The following FHIP1A variants were observed in gnomAD, a reference collection of about 807,000 sequenced individuals.
The protein encoded by FHIP1A is FHF complex subunit HOOK-interacting protein 1A.
A neutral mutation model predicts 88.6 loss-of-function variants in FHIP1A; 61 were observed. That is an observed-to-expected ratio of 0.69 (90% CI 0.56 to 0.85). The LOEUF is 0.85. Ranked by LOEUF, FHIP1A falls within the 40% of genes least tolerant of loss-of-function variation. The pLI is 0.00. For missense variants in FHIP1A, 1,154 were observed against 1,273.5 expected, an observed-to-expected ratio of 0.91 and a Z score of 1.43; for synonymous variants, 478 against 496.0, an observed-to-expected ratio of 0.96 and a Z score of 0.48.
chr4:151,632,199 A>C (rs1285384206), intron 8 of FHIP1A, among the ~76,000 whole-genome samples: 3 of 151,994 alleles, frequency 2.0e-5, no homozygotes, highest in African/African-American at 7.2e-5. Flanking sequence ...AAAGGACACG[A>C]GATAAGGAAT....
chr4:151,522,740 G>A (rs1257003299), intron 3 of FHIP1A, among the ~76,000 whole-genome samples: 1 of 152,206 alleles, frequency 6.6e-6, no homozygotes, highest in African/African-American at 2.4e-5. Context: ...CGTGTTGCTT[G>A]TATAAAATCA....
intron 3 of FHIP1A, among the ~76,000 whole-genome samples, chr4:151,523,972 A>G (rs1731538980): frequency 6.6e-6 from 1 of 151,988 alleles, no homozygotes; most frequent in African/African-American, 2.4e-5. Context: ...CTTTCTGGCT[A>G]TTTTTTTACT....
rs962815141 is a variant in FHIP1A, at chr4:151,548,833, T to C, written c.-122-17305T>C. Among the ~76,000 whole-genome samples the C allele has an allele frequency of 2.0e-5, 3 of 152,158 alleles. No homozygotes were observed. The East Asian group carries it at 5.8e-4, about 29-fold the overall frequency. ...GCTACTTGGTGTTGGAAATGCAAAATACTTGTTCCCCGGTGCTGTAAAGAA... is the reference window on the plus strand; with the variant it reads ...GCTACTTGGTGTTGGAAATGCAAAACACTTGTTCCCCGGTGCTGTAAAGAA... On this transcript the variant is annotated intron_variant, in intron 3 of 13. Transcript: ENST00000435205.
chr4:151,492,838 C>G (rs1262802656), intron 3 of FHIP1A, among the ~76,000 whole-genome samples: 2 of 152,050 alleles, frequency 1.3e-5, no homozygotes, highest in East Asian at 3.9e-4. Context: ...AAAAGCGATG[C>G]TAAGAGGACA....
At chr4:151,634,091 A>C in intron 8 of FHIP1A, among the ~76,000 whole-genome samples, 1 of 151,934 alleles carries the variant, frequency 6.6e-6, no homozygotes, top group Admixed American at 6.6e-5. Flanking sequence ...TACAGGATAC[A>C]AAGTCAACGC....
chr4:151,519,335 T>C (rs907005684), intron 3 of FHIP1A, among the ~76,000 whole-genome samples: 2 of 152,218 alleles, frequency 1.3e-5, no homozygotes, highest in Non-Finnish European at 2.9e-5. Flanking sequence ...ATTGAAATCA[T>C]ACAATATGTA....
At position 151,575,390 on chromosome 4, in the gene FHIP1A, C is replaced by T. The variant is rs184714606; in HGVS notation, c.106-2060C>T. Among the ~76,000 whole-genome samples, 85 of 152,208 alleles carry T rather than the reference C, an allele frequency of 5.6e-4. 2 individuals carry two copies. In the East Asian group the frequency reaches 0.014, roughly 25 times the overall value. On this transcript the variant is annotated intron_variant, in intron 4 of 13. Transcript: ENST00000435205. ...ATTGAGATGTTGGTAAGGCCCAGAACAAAGGGATGGGAGAGAACCAGGTCC... is the reference window on the plus strand; with the variant it reads ...ATTGAGATGTTGGTAAGGCCCAGAATAAAGGGATGGGAGAGAACCAGGTCC...
At chr4:151,531,843 C>G (rs1731888084) in intron 3 of FHIP1A, among the ~76,000 whole-genome samples, 1 of 152,094 alleles carries the variant, frequency 6.6e-6, no homozygotes, top group Non-Finnish European at 1.5e-5. Context: ...TCTACAAGGA[C>G]AGAGCCTAAG....
At chr4:151,645,503 T>A (rs1365934187) in intron 9 of FHIP1A, among the ~76,000 whole-genome samples, 1 of 151,876 alleles carries the variant, frequency 6.6e-6, no homozygotes, top group Non-Finnish European at 1.5e-5. Context: ...TCGTACTTTT[T>A]ATCTTTTTTT....
chr4:151,410,189 G>T (rs1012602450), intron 1 of FHIP1A, among the ~76,000 whole-genome samples: 1 of 152,178 alleles, frequency 6.6e-6, no homozygotes, highest in African/African-American at 2.4e-5. Context: ...ACATGAGCAG[G>T]TCTAGTGAAT....
chr4:151,431,901 GA>G (rs1482783047), intron 1 of FHIP1A, among the ~76,000 whole-genome samples: 4 of 152,200 alleles, frequency 2.6e-5, no homozygotes, highest in Admixed American at 2.0e-4. Context: ...AAGCTGAAGT[GA>G]AGAGAGATTA....
intron 1 of FHIP1A, among the ~76,000 whole-genome samples, chr4:151,435,784 C>CAA (rs202118440): frequency 8.2e-6 from 1 of 121,394 alleles, no homozygotes. Context: ...AACTCTGTGT[C>CAA]AAAAAAAAAA....
intron 1 of FHIP1A, among the ~76,000 whole-genome samples, chr4:151,447,698 A>T (rs1440245596): frequency 6.6e-6 from 1 of 152,168 alleles, no homozygotes; most frequent in Non-Finnish European, 1.5e-5. Context: ...TTATTTAAAG[A>T]GGTAATTAAG....
At position 151,667,653 on chromosome 4, in the gene FHIP1A, A is replaced by T. The variant is rs1737712716; in HGVS notation, c.*4899A>T. Among the ~76,000 whole-genome samples, 1 of 152,034 alleles carries T rather than the reference A, an allele frequency of 6.6e-6. No homozygotes were observed. The highest frequency in any genetic ancestry group is 1.5e-5 in the Non-Finnish European group (1 of 68,016). On this transcript the variant is annotated 3_prime_UTR_variant, in exon 14 of 14. Transcript: ENST00000435205. The stretch of plus-strand genomic sequence containing the variant: ...GTGGGTGGAAGCCTTCAGTTCTTTG[A>T]CCTCTTGCACGTAGAATCCTAAAAC...
intron 8 of FHIP1A, among the ~76,000 whole-genome samples, chr4:151,630,428 C>G (rs1326501568): frequency 6.6e-6 from 1 of 152,086 alleles, no homozygotes; most frequent in South Asian, 2.1e-4. Context: ...ATGTATATAT[C>G]ATTCGGTTTG....
intron 3 of FHIP1A, among the ~76,000 whole-genome samples, chr4:151,563,305 T>C (rs1733245041): frequency 6.6e-6 from 1 of 152,146 alleles, no homozygotes; most frequent in Non-Finnish European, 1.5e-5. Flanking sequence ...TGCAGAGTTC[T>C]TTGAGTGTTT....
chr4:151,490,052 C>G (rs1730227119), intron 3 of FHIP1A, among the ~76,000 whole-genome samples: 1 of 152,148 alleles, frequency 6.6e-6, no homozygotes, highest in Non-Finnish European at 1.5e-5. Context: ...GGAAACCAAC[C>G]ACTTGAAGTT....
At chr4:151,558,171 A>C (rs927815828) in intron 3 of FHIP1A, among the ~76,000 whole-genome samples, 2 of 152,206 alleles carry the variant, frequency 1.3e-5, no homozygotes, top group Admixed American at 1.3e-4. Flanking sequence ...TAGTTTTCAG[A>C]ATAAATCTTA....
rs533148200 is a variant in FHIP1A, at chr4:151,545,629, A to C, written c.-122-20509A>C. On this transcript the variant is annotated intron_variant, in intron 3 of 13. Coordinates refer to ENST00000435205, the MANE Select transcript of FHIP1A (RefSeq NM_001109977.3). ...CCTGACCTCGTGATCCACCGGCCTCAGCCTCCCAAAGTGCTGGGATTACAG... is the reference window on the plus strand; with the variant it reads ...CCTGACCTCGTGATCCACCGGCCTCCGCCTCCCAAAGTGCTGGGATTACAG... Among the ~76,000 whole-genome samples, 95 of 152,014 alleles carry C rather than the reference A, an allele frequency of 6.2e-4. 1 individual carries two copies. Among genetic ancestry groups the C allele is most frequent in the Non-Finnish European group, 7.8e-4 (53 of 67,988 alleles).
Sources: allele counts gnomAD v4.1 joint callset (sites outside exome capture counted in the v4.1 genomes callset), GRCh38; gene constraint gnomAD v4.1.1; transcripts MANE v1.5; gene names NCBI Gene and HGNC (gene_info 2026-07-23, HGNC 2026-07-21).